ZNF143: variants seen among roughly 807,000 people sequenced by gnomAD.
ZNF143 encodes zinc finger protein 143.
Under a neutral mutation model 74.1 loss-of-function variants are expected in ZNF143, and 49 were observed. The ratio of observed to expected loss-of-function variants is 0.66; its 90% CI spans 0.53 to 0.84. The LOEUF (loss-of-function observed/expected upper bound fraction) is 0.84, where lower values mean the gene tolerates loss of function less well. ZNF143 is among the 40% of genes least tolerant of loss of function. The pLI, the probability that ZNF143 is intolerant of heterozygous loss-of-function variation, is 0.00. For synonymous variants in ZNF143, 304 were observed against 282.8 expected, an observed-to-expected ratio of 1.07 and a Z score of -0.75; for missense variants, 637 against 793.4, an observed-to-expected ratio of 0.80 and a Z score of 2.37.
intron 15 of ZNF143, 48 bp downstream of exon 15, chr11:9,525,434 A>G: frequency 6.2e-7 from 1 of 1,611,652 alleles, no homozygotes; most frequent in South Asian, 1.1e-5. Flanking sequence ...TGCTGCTCAT[A>G]GCTTTCAACT....
chr11:9,493,012 A>G (rs1360883219), intron 7 of ZNF143, among the ~76,000 whole-genome samples: 2 of 151,736 alleles, frequency 1.3e-5, no homozygotes, highest in African/African-American at 4.8e-5. Context: ...TATTCTTTGT[A>G]TAGGCACTTT....
intron 11 of ZNF143, 97 bp downstream of exon 11, chr11:9,501,367 T>C: frequency 1.4e-6 from 2 of 1,385,844 alleles, no homozygotes; most frequent in Admixed American, 2.1e-5. Context: ...TTCCCTCCTT[T>C]CTATCACTTG....
At chr11:9,466,858 A>G (rs1856253529) in intron 1 of ZNF143, among the ~76,000 whole-genome samples, 1 of 124,814 alleles carries the variant, frequency 8.0e-6, no homozygotes, top group South Asian at 2.5e-4. Context: ...ACTTTTAAAT[A>G]TTACAATAGA....
In ZNF143 at chr11:9,500,077, G is replaced by A. The variant is rs958398184; in HGVS notation, c.968-1014G>A. Among the ~76,000 whole-genome samples, 64 of 152,018 alleles carry A rather than the reference G, an allele frequency of 4.2e-4. 1 individual carries two copies. Among genetic ancestry groups the A allele is most frequent in the Admixed American group, 4.1e-3 (62 of 15,250 alleles). ...CCCATCTCACCCTCCCGAGTAGCTG[G>A]GACTTACCACTGTGCACCACTACAC... On this transcript the variant is annotated intron_variant, in intron 10 of 15. Coordinates refer to ENST00000396602, the MANE Select transcript of ZNF143 (RefSeq NM_003442.6).
intron 14 of ZNF143, among the ~76,000 whole-genome samples, chr11:9,517,603 A>T (rs1298984588): frequency 1.3e-5 from 2 of 152,094 alleles, no homozygotes; most frequent in African/African-American, 4.8e-5. Flanking sequence ...AAACTTTTGA[A>T]TTTTTGCCAA....
intron 12 of ZNF143, among the ~76,000 whole-genome samples, chr11:9,512,128 C>T (rs1375993893): frequency 1.3e-5 from 2 of 152,126 alleles, no homozygotes; most frequent in East Asian, 3.9e-4. Context: ...TTTTCCTGTA[C>T]AGTTCCTCCC....
At chr11:9,471,036 T>C (rs922792669) in intron 1 of ZNF143, 17 of 178,752 alleles carry the variant, frequency 9.5e-5, no homozygotes, top group African/African-American at 2.8e-4. Context: ...AGAGATCATA[T>C]GAAACTGATG....
rs922583459 is a variant in ZNF143, at chr11:9,497,924, G to A, written c.967+124G>A. 15 of 655,910 alleles carry A rather than the reference G, an allele frequency of 2.3e-5. No homozygotes were observed. In the East Asian group the frequency reaches 2.3e-4, roughly 10 times the overall value. 40.6% of individuals were successfully genotyped at this position (655,910 alleles called of 1,614,324 possible). ...TGGCTCACTGCAAGCTCCGCCTCCC[G>A]GGTTCACGCCATTCTCCTGCCTCAG... On this transcript the variant is annotated intron_variant, in intron 10 of 15. Transcript: ENST00000396602.
At chr11:9,505,521 C>A (rs1405843309) in intron 11 of ZNF143, among the ~76,000 whole-genome samples, 1 of 152,084 alleles carries the variant, frequency 6.6e-6, no homozygotes, top group Non-Finnish European at 1.5e-5. Context: ...CCACCACGCC[C>A]AGCCCTGATA....
intron 14 of ZNF143, among the ~76,000 whole-genome samples, chr11:9,521,579 TTTGTTG>T (rs1256704830): frequency 1.3e-5 from 2 of 151,820 alleles, no homozygotes; most frequent in African/African-American, 2.4e-5. Context: ...TTGTTTTTTT[TTTGTTG>T]TTGTTGTTGT....
rs760484089 is a variant in ZNF143, at chr11:9,516,273, A to G, written c.1597A>G (p.Ile533Val). 1.2e-6 allele frequency: 2 copies of G among 1,614,054 alleles called. No homozygotes were observed. The highest frequency in any genetic ancestry group is 1.3e-5 in the African/African-American group (1 of 74,936). The change falls in exon 14 of 16, where the codon ATC (isoleucine) becomes GTC (valine). Residue 533 changes from isoleucine to valine, a missense_variant. This residue lies in a region of ZNF143 where 344 missense variants were observed against 485.6 expected (regional missense o/e 0.71). Transcript: ENST00000396602. Reference sequence around the variant, plus strand: ...AATGGTAACGCAGGATGGCACGCCCATCACAGTCCCCGCCCATGATGCAGT... The same window carrying G: ...AATGGTAACGCAGGATGGCACGCCCGTCACAGTCCCCGCCCATGATGCAGT... ...ITMVTQDGTP[I>V]TVPAHDAVIS...
At chr11:9,525,409 C>A (rs1450779428) in intron 15 of ZNF143, 23 bp downstream of exon 15, 7 of 1,613,700 alleles carry the variant, frequency 4.3e-6, no homozygotes, top group Admixed American at 1.7e-5. Context: ...GCATACTGTC[C>A]TCAGTCGACA....
At chr11:9,494,474 T>C (rs556642608) in intron 7 of ZNF143, among the ~76,000 whole-genome samples, 172 bp from the exon 8 acceptor site, 13 of 152,062 alleles carry the variant, frequency 8.5e-5, no homozygotes, top group Non-Finnish European at 1.8e-4. Flanking sequence ...CCTGGCTAAC[T>C]TTGTAATATT....
rs1848300094 is a variant in ZNF143 at position 9,504,862 on chromosome 11, A to G, written c.1147+3592A>G. On this transcript the variant is annotated intron_variant, in intron 11 of 15. Coordinates refer to ENST00000396602, the MANE Select transcript of ZNF143 (RefSeq NM_003442.6). ...GCTAATTTTTATACTTTTAATAGAGACGGGATTTCACCATGTTGGCCATGA... is the reference window on the plus strand; with the variant it reads ...GCTAATTTTTATACTTTTAATAGAGGCGGGATTTCACCATGTTGGCCATGA... Among the ~76,000 whole-genome samples, 4 of 116,918 alleles carry G rather than the reference A, an allele frequency of 3.4e-5. 2 individuals carry two copies. In the South Asian group the frequency reaches 1.2e-3, roughly 34 times the overall value. The allele number at this position is 116,918 out of a possible 152,430, so 76.7% of individuals were successfully genotyped here.
chr11:9,461,253 A>C (rs763517661), intron 1 of ZNF143, among the ~76,000 whole-genome samples, 177 bp downstream of exon 1: 138 of 152,014 alleles, frequency 9.1e-4, no homozygotes, highest in Non-Finnish European at 1.8e-3. Context: ...GCAGAAGCGG[A>C]GTTTATTAAT....
chr11:9,486,371 A>AATATATTAT (rs1847491082), intron 7 of ZNF143, among the ~76,000 whole-genome samples: 2 of 36,718 alleles, frequency 5.4e-5, no homozygotes, highest in African/African-American at 2.5e-4. Flanking sequence ...TATTATATAT[A>AATATATTAT]ATATATTATA....
At chr11:9,473,775 A>G (rs1369605358) in intron 3 of ZNF143, 166 bp from the exon 4 acceptor site, 3 of 1,537,646 alleles carry the variant, frequency 2.0e-6, no homozygotes, top group African/African-American at 1.4e-5. Flanking sequence ...TGCTTTCTGT[A>G]GGATCACTGG....
In ZNF143 at chr11:9,478,815, C is replaced by G. The variant is rs74887785; in HGVS notation, c.570+229C>G. Among the ~76,000 whole-genome samples, 745 of 151,792 alleles carry G rather than the reference C, an allele frequency of 4.9e-3. 6 individuals are homozygous for G. The highest frequency in any genetic ancestry group is 0.017 in the African/African-American group (715 of 41,392). ...AATTCAGAAATTAAAAAAAAAGACA[C>G]TAGCAACTCAAAGTCAAAATCAGTT... On this transcript the variant is annotated intron_variant, in intron 6 of 15. Transcript: ENST00000396602.
In ZNF143 at chr11:9,479,506, C is replaced by G. The variant is rs568386955; in HGVS notation, c.605C>G (p.Thr202Ser). Residue 202 changes from threonine (T) to serine (S), a missense_variant, in exon 7 of 16, where the codon ACT (threonine) becomes AGT (serine). Thr to Ser is a moderately conservative substitution (Grantham distance 58, BLOSUM62 1). Around this residue, in one of 2 missense-constraint regions of ZNF143, gnomAD observed 293 missense variants for 307.8 expected, o/e 0.95. Transcript: ENST00000396602. ...SIDGSESVAG[T>S]GMIGENEQEK... ...GATGGAAGTGAAAGTGTAGCAGGTA[C>G]TGGAATGATTGGAGAAAATGAGCAA... 2.5e-6 allele frequency: 4 copies of G among 1,613,046 alleles called. No individual in the cohort carries two copies. The African/African-American group carries it at 5.3e-5, about 22-fold the overall frequency.
Sources: allele counts gnomAD v4.1 joint callset (sites outside exome capture counted in the v4.1 genomes callset), GRCh38; gene constraint gnomAD v4.1.1; regional missense constraint gnomAD v4.1.1; transcripts MANE v1.5; gene names NCBI Gene and HGNC (gene_info 2026-07-23, HGNC 2026-07-21).